The following TNPO3 variants were observed in gnomAD, a reference collection of about 807,000 sequenced individuals.
TNPO3 encodes the protein transportin 3, also known as transportin-3.
Under a neutral mutation model 122.8 loss-of-function variants are expected in TNPO3, and 65 were observed. The observed-to-expected ratio is 0.53, with a 90% CI of 0.43 to 0.65. TNPO3 has a LOEUF of 0.65. Among genes scored for constraint, TNPO3 ranks in the 30% least tolerant of loss-of-function variants. The pLI, the probability that TNPO3 is intolerant of heterozygous loss-of-function variation, is 0.00. For synonymous variants in TNPO3, 372 were observed against 411.2 expected, an observed-to-expected ratio of 0.90 and a Z score of 1.15; for missense variants, 850 against 1,136.7, an observed-to-expected ratio of 0.75 and a Z score of 3.63.
At chr7:128,981,306 T>G (rs940399273) in intron 14 of TNPO3, among the ~76,000 whole-genome samples, 6 of 152,226 alleles carry the variant, frequency 3.9e-5, no homozygotes, top group Admixed American at 2.6e-4. Flanking sequence ...CAGTTATACA[T>G]GGGTCCCAAA....
chr7:128,989,375 T>C (rs1800516769), intron 11 of TNPO3, among the ~76,000 whole-genome samples: 1 of 152,220 alleles, frequency 6.6e-6, no homozygotes, highest in African/African-American at 2.4e-5. Flanking sequence ...AAAAGTCATT[T>C]CGTCTCTTTG....
At chr7:128,982,148 T>C (rs2150325029) in intron 14 of TNPO3, 100 bp downstream of exon 14, 1 of 973,116 alleles carries the variant, frequency 1.0e-6, no homozygotes, top group East Asian at 2.6e-5. Context: ...CATAGGGAGA[T>C]ACTTGGAAGT....
At position 129,054,915 on chromosome 7, in the gene TNPO3, C is replaced by G. The variant is rs377351896; in HGVS notation, c.-145G>C. On this transcript the variant is annotated 5_prime_UTR_variant, in exon 1 of 23. Transcript: ENST00000265388. Reference sequence around the variant, plus strand: ...TCCTCCTCTTTGGCCGTTACCAGGGCAGAAGGCTCTCCGTGGAAGTTGCCC... The same window carrying G: ...TCCTCCTCTTTGGCCGTTACCAGGGGAGAAGGCTCTCCGTGGAAGTTGCCC... 1.8e-5 allele frequency: 20 copies of G among 1,109,300 alleles called. No individual in the cohort carries two copies. The East Asian group carries it at 2.0e-4, about 11-fold the overall frequency. 68.7% of individuals were successfully genotyped at this position (1,109,300 alleles called of 1,614,324 possible).
At position 128,986,724 on chromosome 7, in the gene TNPO3, A is replaced by T; in HGVS notation, c.1690+5T>A. 1 of 1,609,672 alleles carries T rather than the reference A, an allele frequency of 6.2e-7. No individual in the cohort carries two copies. The highest frequency in any genetic ancestry group is 8.5e-7 in the Non-Finnish European group (1 of 1,178,038). ...GACTATTAGTGGTTAACATCAAGTG[A>T]GTACCTTTTAGCAAGCCCACAGCAG... On this transcript the variant is annotated splice_donor_5th_base_variant and intron_variant, in intron 12 of 22. Coordinates refer to ENST00000265388, the MANE Select transcript of TNPO3 (RefSeq NM_012470.4).
chr7:128,980,675 C>T (rs993150006), intron 14 of TNPO3, among the ~76,000 whole-genome samples: 6 of 151,994 alleles, frequency 3.9e-5, no homozygotes, highest in African/African-American at 9.7e-5. Context: ...GGGCAACAAG[C>T]GGATGAAGTA....
At chr7:128,973,179 ACAGAATTCCAGTTCC>A (rs1029933850) in intron 18 of TNPO3, among the ~76,000 whole-genome samples, 3 of 152,234 alleles carry the variant, frequency 2.0e-5, no homozygotes, top group African/African-American at 7.2e-5. Context: ...ACTAAAGTTC[ACAGAATTCCAGTTCC>A]CAGGATGTCA....
chr7:129,027,539 C>T (rs1279065129), intron 1 of TNPO3, among the ~76,000 whole-genome samples: 1 of 98,834 alleles, frequency 1.0e-5, no homozygotes, highest in African/African-American at 4.0e-5. Flanking sequence ...CCAGCCTGGG[C>T]AACAGAGCAA....
intron 11 of TNPO3, among the ~76,000 whole-genome samples, chr7:128,988,216 T>G (rs1800374585): frequency 1.3e-5 from 2 of 152,008 alleles, no homozygotes; most frequent in Non-Finnish European, 2.9e-5. Flanking sequence ...ACTCAGATGA[T>G]CCTCTCGCCT....
At chr7:129,026,957 TA>T (rs1805258966) in intron 1 of TNPO3, among the ~76,000 whole-genome samples, 3 of 151,960 alleles carry the variant, frequency 2.0e-5, no homozygotes, top group African/African-American at 7.2e-5. Context: ...GGCACCCAGC[TA>T]ATTTTTTTTT....
At chr7:128,969,431 TTAAC>T (rs1381624197) in intron 20 of TNPO3, among the ~76,000 whole-genome samples, 3 of 151,984 alleles carry the variant, frequency 2.0e-5, no homozygotes, top group Non-Finnish European at 4.4e-5. Context: ...ACAGCTCACT[TTAAC>T]TAGGTCCCAA....
intron 4 of TNPO3, among the ~76,000 whole-genome samples, chr7:129,009,961 C>T (rs1177120066): frequency 1.3e-5 from 2 of 151,976 alleles, no homozygotes; most frequent in Non-Finnish European, 2.9e-5. Context: ...AAAGGAGACA[C>T]CTGGTTGGAC....
At chr7:129,038,164 G>A (rs1026741756) in intron 1 of TNPO3, among the ~76,000 whole-genome samples, 1 of 152,190 alleles carries the variant, frequency 6.6e-6, no homozygotes, top group African/African-American at 2.4e-5. Context: ...TAAAAAGCTA[G>A]AGCAGACTTC....
rs534690194 is a variant in TNPO3, at chr7:128,997,376, G to C, written c.1158+13C>G. ...AGAAATTAAGATTTGAAGAGGTAGA[G>C]AAGGGAACTTACATGGTCTGGTTCC... On this transcript the variant is annotated intron_variant, in intron 8 of 22. Transcript: ENST00000265388. 5.0e-6 allele frequency: 8 copies of C among 1,613,366 alleles called. No homozygotes were observed. Among genetic ancestry groups the C allele is most frequent in the Non-Finnish European group, 6.8e-6 (8 of 1,179,758 alleles).
intron 5 of TNPO3, among the ~76,000 whole-genome samples, chr7:129,002,984 G>A (rs1327720677): frequency 7.0e-6 from 1 of 142,078 alleles, no homozygotes; most frequent in Non-Finnish European, 1.5e-5. Flanking sequence ...AGCTTGCAGT[G>A]AGCCAAGATG....
Position 128,980,934 on chromosome 7 carries a change from C to T in TNPO3, c.1860-903G>A, listed in dbSNP as rs558360642. On this transcript the variant is annotated intron_variant, in intron 14 of 22. Transcript: ENST00000265388. Reference sequence around the variant, plus strand: ...CCACAATCAGTCAAATACAACTCCTCTGTCTAGTTCGATAGCTCACAATTT... The same window carrying T: ...CCACAATCAGTCAAATACAACTCCTTTGTCTAGTTCGATAGCTCACAATTT... 6.6e-5 allele frequency among the ~76,000 whole-genome samples: 10 copies of T among 152,242 alleles called. No individual in the cohort carries two copies. The South Asian group carries it at 2.1e-3, about 32-fold the overall frequency.
Position 128,984,252 on chromosome 7 carries a change from T to A in TNPO3, c.1698A>T (p.Ala566=), listed in dbSNP as rs1026757745. 6.2e-7 allele frequency: 1 copy of A among 1,609,318 alleles called. No individual in the cohort carries two copies. The highest frequency in any genetic ancestry group is 8.5e-7 in the Non-Finnish European group (1 of 1,177,890). ...CCAAAGGTAATCGGGCTAGGACAAG[T>A]GCTGTCCCTGAAAAACAAAGGAAGA... ...EAAVGLLKGT[A]LVLARLPLDK... is the part of the protein sequence containing the mutation. The change falls in exon 13 of 23, where the codon GCA becomes GCT. Residue 566 remains alanine, a synonymous_variant. Transcript: ENST00000265388.
At chr7:128,961,502 C>T (rs772798734) in intron 21 of TNPO3, among the ~76,000 whole-genome samples, 3 of 152,178 alleles carry the variant, frequency 2.0e-5, no homozygotes, top group Non-Finnish European at 4.4e-5. Context: ...ACTAAACCAC[C>T]TAATGACACA....
intron 22 of TNPO3, among the ~76,000 whole-genome samples, chr7:128,955,591 T>C (rs1796820486): frequency 6.6e-6 from 1 of 152,170 alleles, no homozygotes; most frequent in Admixed American, 6.5e-5. Flanking sequence ...TGAGACACCG[T>C]CTGCAGTGTG....
At chr7:128,974,791 A>G in intron 18 of TNPO3, 77 bp downstream of exon 18, 3 of 1,241,300 alleles carry the variant, frequency 2.4e-6, no homozygotes, top group Non-Finnish European at 3.5e-6. Context: ...CAAGAATAAA[A>G]CAACCAAGGG....
Sources: allele counts gnomAD v4.1 joint callset (sites outside exome capture counted in the v4.1 genomes callset), GRCh38; gene constraint gnomAD v4.1.1; transcripts MANE v1.5; gene names NCBI Gene and HGNC (gene_info 2026-07-23, HGNC 2026-07-21).